The following ADGRV1 variants were observed in gnomAD, a reference collection of about 807,000 sequenced individuals.
ADGRV1 encodes adhesion G protein-coupled receptor V1, also known as G-protein coupled receptor 98.
In ADGRV1, 359 loss-of-function variants were observed where a neutral mutation model predicts 596.2. The observed-to-expected ratio is 0.60, with a 90% CI of 0.55 to 0.66. The LOEUF (loss-of-function observed/expected upper bound fraction) is 0.66. ADGRV1 is among the 30% of genes least tolerant of loss of function. The probability of loss-of-function intolerance (pLI) is 0.00; values close to 1 mark genes in which losing one functional copy is unlikely to be tolerated. For synonymous variants in ADGRV1, 2,681 were observed against 2,679.2 expected (o/e 1.00, Z -0.02); for missense variants, 7,274 against 7,575.6 (o/e 0.96, Z 1.48).
intron 38 of ADGRV1, 48 bp downstream of exon 38, chr5:90,706,442 G>C (rs1284972173): frequency 1.4e-6 from 2 of 1,440,226 alleles, no homozygotes; most frequent in East Asian, 5.0e-5. Flanking sequence ...AGTTTAATAA[G>C]TTTTTTTTAT....
In ADGRV1 at chr5:90,965,548, C is replaced by T. The variant is rs1778377590; in HGVS notation, c.17973+17C>T. On this transcript the variant is annotated intron_variant, in intron 84 of 89. Coordinates refer to ENST00000405460, the MANE Select transcript of ADGRV1 (RefSeq NM_032119.4). ...CTCATTCAGGTTGGTACCTCATTCC[C>T]TCTCCCCGCCCCTTTAATCTTTTAA... is the stretch of plus-strand genomic sequence containing the variant. 1.4e-6 allele frequency: 2 copies of T among 1,387,458 alleles called. No homozygotes were observed. Among genetic ancestry groups the T allele is most frequent in the Non-Finnish European group, 2.0e-6 (2 of 976,590 alleles). 85.9% of individuals were successfully genotyped at this position (1,387,458 alleles called of 1,614,324 possible).
intron 47 of ADGRV1, 102 bp from the exon 48 acceptor site, chr5:90,725,447 T>G: frequency 1.3e-6 from 1 of 763,214 alleles, no homozygotes. Context: ...TTAAAATTTT[T>G]TAAGTCTTGC....
At chr5:90,928,339 T>A (rs1774752213) in intron 83 of ADGRV1, among the ~76,000 whole-genome samples, 1 of 151,952 alleles carries the variant, frequency 6.6e-6, no homozygotes, top group Non-Finnish European at 1.5e-5. Flanking sequence ...TTCTTTTTAT[T>A]CTTTTTTCTC....
intron 83 of ADGRV1, among the ~76,000 whole-genome samples, chr5:90,955,251 C>T (rs1341292787): frequency 1.3e-5 from 2 of 152,142 alleles, no homozygotes; most frequent in Non-Finnish European, 2.9e-5. Context: ...ACAGCCCGAA[C>T]TGACTCAGAC....
intron 64 of ADGRV1, among the ~76,000 whole-genome samples, chr5:90,780,389 C>T (rs556942245): frequency 7.2e-5 from 11 of 152,062 alleles, no homozygotes; most frequent in Admixed American, 4.6e-4. Context: ...TTATATAATT[C>T]GCCAACTTTC....
intron 1 of ADGRV1, among the ~76,000 whole-genome samples, chr5:90,564,731 A>T (rs1369044125): frequency 1.8e-5 from 1 of 56,696 alleles, no homozygotes; most frequent in Non-Finnish European, 3.4e-5. Context: ...GGTTCACGCC[A>T]TTCTCCTGCC....
chr5:91,065,211 GA>G (rs750860190), intron 85 of ADGRV1, among the ~76,000 whole-genome samples: 19 of 152,132 alleles, frequency 1.2e-4, no homozygotes, highest in Non-Finnish European at 2.2e-4. Context: ...ATGTAGAGAA[GA>G]AAAAGTTGAA....
chr5:90,592,943 A>G (rs946896715), intron 1 of ADGRV1, among the ~76,000 whole-genome samples: 2 of 152,188 alleles, frequency 1.3e-5, no homozygotes, highest in Admixed American at 6.5e-5. Flanking sequence ...AAAAGTCAGG[A>G]AACAACAGGT....
chr5:90,596,803 T>C (rs1260352567), intron 1 of ADGRV1, among the ~76,000 whole-genome samples: 1 of 150,292 alleles, frequency 6.7e-6, no homozygotes, highest in Non-Finnish European at 1.5e-5. Flanking sequence ...AGGGAGACCA[T>C]GGGGAGAGGG....
At chr5:90,661,343 A>G (rs1363371591) in intron 21 of ADGRV1, among the ~76,000 whole-genome samples, 2 of 152,208 alleles carry the variant, frequency 1.3e-5, no homozygotes, top group African/African-American at 4.8e-5. Context: ...TTAAGAATCA[A>G]TTAAAGACAC....
At chr5:90,719,671 T>G (rs1750654757) in intron 43 of ADGRV1, among the ~76,000 whole-genome samples, 1 of 152,212 alleles carries the variant, frequency 6.6e-6, no homozygotes. Flanking sequence ...TTCTAATTTG[T>G]GCCTGCTATG....
chr5:90,860,407 TCTC>T (rs1282257677), intron 82 of ADGRV1, among the ~76,000 whole-genome samples: 1 of 152,062 alleles, frequency 6.6e-6, no homozygotes, highest in African/African-American at 2.4e-5. Context: ...TTCAAGCACT[TCTC>T]CTGCCTCAGC....
intron 87 of ADGRV1, among the ~76,000 whole-genome samples, chr5:91,126,104 C>G (rs1445359965): frequency 6.6e-6 from 1 of 152,198 alleles, no homozygotes; most frequent in African/African-American, 2.4e-5. Context: ...GGGGCAGTTC[C>G]CTAACCAGTT....
At chr5:90,920,492 T>A (rs1773783273) in intron 83 of ADGRV1, among the ~76,000 whole-genome samples, 2 of 152,332 alleles carry the variant, frequency 1.3e-5, no homozygotes, top group South Asian at 4.1e-4. Flanking sequence ...TATTTTACAT[T>A]CAGGTGCCCA....
intron 85 of ADGRV1, among the ~76,000 whole-genome samples, chr5:91,016,367 C>T (rs1783172452): frequency 6.6e-6 from 1 of 151,966 alleles, no homozygotes; most frequent in South Asian, 2.1e-4. Context: ...GTTCTCAGTC[C>T]CTGCAAGCTT....
chr5:91,005,399 G>A lies in ADGRV1; in HGVS notation c.18152+19877G>A, dbSNP rs556180965. On this transcript the variant is annotated intron_variant, in intron 85 of 89. Coordinates refer to ENST00000405460, the MANE Select transcript of ADGRV1 (RefSeq NM_032119.4). ...ATATATTTTTTTGAAGTGCAGTGGC[G>A]CAATCTTGGCTCACTGCAACCTCGC... 7.2e-5 allele frequency among the ~76,000 whole-genome samples: 11 copies of A among 151,916 alleles called. No homozygotes were observed. The South Asian group carries it at 1.0e-3, about 14-fold the overall frequency.
rs189153792 is a variant in ADGRV1 at position 90,679,525 on chromosome 5, G to T, written c.5444-24G>T. ...TGTGTCAATGTGTGTTGTGTGGGTT[G>T]TGTCTCTGTGTCTCCTTGTGAAGTA... On this transcript the variant is annotated intron_variant, in intron 25 of 89. Transcript: ENST00000405460. The T allele has an allele frequency of 5.4e-4, 839 of 1,567,234 alleles. 3 individuals are homozygous for T. In the African/African-American group the frequency reaches 9.9e-3, roughly 19 times the overall value.
chr5:90,809,837 G>T (rs1440948511), intron 73 of ADGRV1, among the ~76,000 whole-genome samples: 1 of 152,206 alleles, frequency 6.6e-6, no homozygotes, highest in Non-Finnish European at 1.5e-5. Context: ...TACTGCTAGT[G>T]CCAGTAACTA....
Position 90,582,081 on chromosome 5 carries a change from T to C in ADGRV1, c.22+23164T>C, listed in dbSNP as rs560505939. Among the ~76,000 whole-genome samples, 162 of 152,164 alleles carry C rather than the reference T, an allele frequency of 1.1e-3. 2 individuals are homozygous for C. The South Asian group carries it at 0.026, about 25-fold the overall frequency. On this transcript the variant is annotated intron_variant, in intron 1 of 89. Coordinates refer to ENST00000405460, the MANE Select transcript of ADGRV1 (RefSeq NM_032119.4). Reference sequence around the variant, plus strand: ...TATGATTTCAGTTGTTTTTTATTTATTGAGGCTTGCTTTATGACCAAGCAT... The same window carrying C: ...TATGATTTCAGTTGTTTTTTATTTACTGAGGCTTGCTTTATGACCAAGCAT...
Sources: gnomAD v4.1 joint callset for allele counts (sites outside exome capture counted in the v4.1 genomes callset) on GRCh38, gnomAD v4.1.1 for gene constraint, MANE v1.5 for transcripts, NCBI Gene and HGNC (gene_info 2026-07-23, HGNC 2026-07-21) for gene names.